ROBO2: variants seen among roughly 807,000 people sequenced by gnomAD.
ROBO2 encodes roundabout guidance receptor 2.
A neutral mutation model predicts 160.8 loss-of-function variants in ROBO2; 53 were observed. The ratio of observed to expected loss-of-function variants is 0.33; its 90% confidence interval spans 0.26 to 0.41. The LOEUF (loss-of-function observed/expected upper bound fraction) is 0.41. Among genes scored for constraint, ROBO2 ranks in the 10% least tolerant of loss-of-function variants. The pLI is 1.00. For synonymous variants in ROBO2, 664 were observed against 611.7 expected (o/e 1.09, Z -1.26); for missense variants, 1,577 against 1,722.4 (o/e 0.92, Z 1.49).
chr3:77,086,817 C>T (rs1433095876), intron 1 of ROBO2, among the ~76,000 whole-genome samples: 1 of 152,116 alleles, frequency 6.6e-6, no homozygotes. Context: ...GGATTGTAAT[C>T]TTATTTTCCA....
intron 2 of ROBO2, among the ~76,000 whole-genome samples, chr3:76,472,078 T>TGC (rs2078686913): frequency 8.0e-6 from 1 of 124,226 alleles, no homozygotes; most frequent in South Asian, 2.5e-4. Context: ...TGTGTGTGTG[T>TGC]GTGTGTGTGT....
chr3:76,955,652 C>A (rs2079201516), intron 2 of ROBO2, among the ~76,000 whole-genome samples: 1 of 151,980 alleles, frequency 6.6e-6, no homozygotes. Context: ...CAGGAATATT[C>A]AATGCACTAA....
At chr3:76,852,431 T>C (rs1436054108) in intron 2 of ROBO2, among the ~76,000 whole-genome samples, 1 of 152,200 alleles carries the variant, frequency 6.6e-6, no homozygotes, top group African/African-American at 2.4e-5. Flanking sequence ...TACTTTCATC[T>C]ACCAAGGATC....
At chr3:77,546,704 C>CA (rs2092710598) in intron 7 of ROBO2, among the ~76,000 whole-genome samples, 1 of 152,026 alleles carries the variant, frequency 6.6e-6, no homozygotes, top group African/African-American at 2.4e-5. Context: ...AGCAGTGTAA[C>CA]AAAATTATCG....
In ROBO2 at chr3:76,577,118, A is replaced by G. The variant is rs546799916; in HGVS notation, c.110-520896A>G. 4.6e-5 allele frequency among the ~76,000 whole-genome samples: 7 copies of G among 152,224 alleles called. No individual in the cohort carries two copies. In the South Asian group the frequency reaches 1.2e-3, roughly 27 times the overall value. On this transcript the variant is annotated intron_variant, in intron 2 of 26. Transcript: ENST00000487694. The stretch of plus-strand genomic sequence containing the variant: ...GGCTGGATTTTTGGTTTGAGGCTTC[A>G]TACACAATCAGAGCAGAGCATAATT...
chr3:76,100,374 A>G (rs1333279602), intron 2 of ROBO2, among the ~76,000 whole-genome samples: 4 of 152,210 alleles, frequency 2.6e-5, no homozygotes, highest in Non-Finnish European at 2.9e-5. Context: ...GGAACTAAAC[A>G]TGAAAACTGC....
At chr3:76,093,510 C>A (rs1248671110) in intron 2 of ROBO2, among the ~76,000 whole-genome samples, 5 of 116,830 alleles carry the variant, frequency 4.3e-5, no homozygotes, top group Non-Finnish European at 9.2e-5. Flanking sequence ...AATATTTATA[C>A]ATATATATTA....
At chr3:76,552,218 A>C (rs2083463871) in intron 2 of ROBO2, among the ~76,000 whole-genome samples, 1 of 152,246 alleles carries the variant, frequency 6.6e-6, no homozygotes, top group African/African-American at 2.4e-5. Flanking sequence ...GGTTATATGT[A>C]AATACTATAC....
At chr3:76,252,205 T>C (rs1706047078) in intron 2 of ROBO2, among the ~76,000 whole-genome samples, 2 of 152,062 alleles carry the variant, frequency 1.3e-5, no homozygotes, top group African/African-American at 4.8e-5. Context: ...ACCATTTGTA[T>C]AGTGAATATG....
chr3:77,232,585 T>C (rs2087370655), intron 2 of ROBO2, among the ~76,000 whole-genome samples: 2 of 152,172 alleles, frequency 1.3e-5, no homozygotes, highest in South Asian at 4.1e-4. Context: ...GCGGATATTG[T>C]GACACATTTG....
At chr3:76,585,592 A>G (rs562029519) in intron 2 of ROBO2, among the ~76,000 whole-genome samples, 63 of 152,322 alleles carry the variant, frequency 4.1e-4, no homozygotes, top group African/African-American at 1.5e-3. Flanking sequence ...TTTTGAGAAC[A>G]ACTGATATAA....
chr3:76,302,974 T>A (rs1465403577), intron 2 of ROBO2, among the ~76,000 whole-genome samples: 1 of 152,124 alleles, frequency 6.6e-6, no homozygotes, highest in Admixed American at 6.6e-5. Flanking sequence ...ATAAAAAATT[T>A]TAAAAATAAA....
intron 2 of ROBO2, among the ~76,000 whole-genome samples, chr3:76,124,540 C>T (rs978937594): frequency 2.0e-5 from 3 of 152,046 alleles, no homozygotes; most frequent in Admixed American, 2.0e-4. Context: ...AATGAGGCAC[C>T]AGAGACAATG....
intron 2 of ROBO2, among the ~76,000 whole-genome samples, chr3:76,406,816 CAA>C (rs778476861): frequency 6.6e-6 from 1 of 151,818 alleles, no homozygotes; most frequent in Non-Finnish European, 1.5e-5. Flanking sequence ...GACATTTTTG[CAA>C]AGATTTTGAT....
At chr3:76,098,446 C>A (rs933192726) in intron 2 of ROBO2, among the ~76,000 whole-genome samples, 3 of 151,878 alleles carry the variant, frequency 2.0e-5, no homozygotes, top group African/African-American at 7.3e-5. Flanking sequence ...GTTTTAAGTG[C>A]AAGTGTGTAT....
At chr3:76,544,250 A>C (rs1338102880) in intron 2 of ROBO2, among the ~76,000 whole-genome samples, 2 of 152,034 alleles carry the variant, frequency 1.3e-5, no homozygotes, top group Admixed American at 1.3e-4. Context: ...ATTCCTCTTA[A>C]ATAAGTTCTT....
At chr3:77,620,954 C>T (rs1206867668) in intron 22 of ROBO2, among the ~76,000 whole-genome samples, 1 of 152,144 alleles carries the variant, frequency 6.6e-6, no homozygotes, top group Admixed American at 6.5e-5. Flanking sequence ...AGTACACTCA[C>T]TTTTTAATGC....
chr3:76,141,151 CTCTCTCTCTATA>C lies in ROBO2; in HGVS notation c.109+203551_109+203562del, dbSNP rs1287981100. Among the ~76,000 whole-genome samples, 162 of 44,260 alleles carry C rather than the reference CTCTCTCTCTATA, an allele frequency of 3.7e-3. 2 individuals carry two copies. Among genetic ancestry groups the C allele is most frequent in the Middle Eastern group, 0.012 (1 of 84 alleles). The allele number at this position is 44,260 out of a possible 152,430, so 29.0% of individuals were successfully genotyped here. On this transcript the variant is annotated intron_variant, in intron 2 of 26. Transcript: ENST00000487694. ...TCTCTCTCTCTCTCTCTCTCTCTCT[CTCTCTCTCTATA>C]TATATATATATATATATATATATAT...
intron 2 of ROBO2, among the ~76,000 whole-genome samples, chr3:77,154,845 A>G (rs1014787480): frequency 6.6e-6 from 1 of 151,960 alleles, no homozygotes; most frequent in Admixed American, 6.6e-5. Flanking sequence ...GATGGCGACA[A>G]CTGAAACTGG....
Sources: allele counts gnomAD v4.1 joint callset (sites outside exome capture counted in the v4.1 genomes callset), GRCh38; gene constraint gnomAD v4.1.1; transcripts MANE v1.5; gene names NCBI Gene and HGNC (gene_info 2026-07-23, HGNC 2026-07-21).